The following NRXN1 variants were observed in gnomAD, a reference collection of about 807,000 sequenced individuals.
The protein encoded by NRXN1 is neurexin 1.
In NRXN1, 39 loss-of-function variants were observed where a neutral mutation model predicts 150.9. That is an observed-to-expected ratio of 0.26 (90% CI 0.20 to 0.34). NRXN1 has a LOEUF of 0.34. Among genes scored for constraint, NRXN1 ranks in the 10% least tolerant of loss-of-function variants. The probability of loss-of-function intolerance (pLI) is 1.00; values close to 1 mark genes in which losing one functional copy is unlikely to be tolerated. For synonymous variants in NRXN1, 924 were observed against 757.0 expected, an observed-to-expected ratio of 1.22 and a Z score of -3.62; for missense variants, 1,815 against 1,949.9, an observed-to-expected ratio of 0.93 and a Z score of 1.30.
chr2:50,327,622 C>T (rs2076471196), intron 17 of NRXN1, among the ~76,000 whole-genome samples: 1 of 151,594 alleles, frequency 6.6e-6, no homozygotes, highest in Non-Finnish European at 1.5e-5. Flanking sequence ...TCCCTCCCTC[C>T]TTCCCTCCCT....
chr2:50,236,688 G>C, intron 18 of NRXN1, 101 bp downstream of exon 18: 2 of 1,014,266 alleles, frequency 2.0e-6, no homozygotes, highest in Non-Finnish European at 3.0e-6. Flanking sequence ...CAAAGTACTG[G>C]TTTCTGGGGG....
intron 5 of NRXN1, among the ~76,000 whole-genome samples, chr2:50,799,408 G>A (rs2105676532): frequency 6.6e-6 from 1 of 152,284 alleles, no homozygotes; most frequent in African/African-American, 2.4e-5. Context: ...ACAAAGTAGA[G>A]AGTCAGAGTG....
chr2:50,226,707 G>C (rs1367555516), intron 18 of NRXN1, among the ~76,000 whole-genome samples: 1 of 151,926 alleles, frequency 6.6e-6, no homozygotes, highest in African/African-American at 2.4e-5. Flanking sequence ...ATCAGAACTA[G>C]AATCTTGCTT....
intron 8 of NRXN1, among the ~76,000 whole-genome samples, chr2:50,559,040 C>T (rs1175216532): frequency 1.3e-5 from 2 of 152,102 alleles, no homozygotes; most frequent in African/African-American, 2.4e-5. Flanking sequence ...CGAGATCGCA[C>T]CACTGCACTC....
intron 18 of NRXN1, among the ~76,000 whole-genome samples, chr2:50,210,473 G>T (rs931371167): frequency 1.3e-5 from 2 of 151,666 alleles, no homozygotes; most frequent in Non-Finnish European, 3.0e-5. Context: ...GCTATTATTG[G>T]AAAATCAGGT....
chr2:50,582,397 C>G (rs543151713), intron 8 of NRXN1, among the ~76,000 whole-genome samples: 1 of 138,138 alleles, frequency 7.2e-6, no homozygotes, highest in Non-Finnish European at 1.5e-5. Context: ...GGGAGGTTCG[C>G]TTGAGCCAGG....
intron 2 of NRXN1, among the ~76,000 whole-genome samples, chr2:51,014,933 A>G (rs1170627575): frequency 6.6e-6 from 1 of 152,052 alleles, no homozygotes; most frequent in African/African-American, 2.4e-5. Flanking sequence ...ATACACTGCC[A>G]GAAATGACAG....
chr2:50,045,773 G>A (rs906869374), intron 21 of NRXN1, among the ~76,000 whole-genome samples: 3 of 152,000 alleles, frequency 2.0e-5, no homozygotes, highest in Non-Finnish European at 4.4e-5. Context: ...TAGAGGAAGT[G>A]CCAACTTCAC....
chr2:50,400,899 C>T (rs906776866), intron 17 of NRXN1, among the ~76,000 whole-genome samples: 1 of 152,048 alleles, frequency 6.6e-6, no homozygotes, highest in Non-Finnish European at 1.5e-5. Flanking sequence ...TTTCACACAC[C>T]TGGGTTGATG....
intron 5 of NRXN1, among the ~76,000 whole-genome samples, chr2:50,822,290 A>G (rs1669846715): frequency 6.6e-6 from 1 of 152,152 alleles, no homozygotes; most frequent in Admixed American, 6.5e-5. Context: ...ATCTAAAACA[A>G]TTACTAAACA....
intron 5 of NRXN1, among the ~76,000 whole-genome samples, chr2:50,744,970 C>A (rs1398042282): frequency 6.6e-6 from 1 of 152,084 alleles, no homozygotes; most frequent in Non-Finnish European, 1.5e-5. Flanking sequence ...CTCCTTTGTG[C>A]TTCACATGCT....
chr2:51,030,898 G>A (rs763689367), intron 1 of NRXN1, among the ~76,000 whole-genome samples: 2 of 150,430 alleles, frequency 1.3e-5, no homozygotes, highest in Non-Finnish European at 3.0e-5. Flanking sequence ...TTTCTTGTGT[G>A]TGTAACTCTG....
intron 21 of NRXN1, among the ~76,000 whole-genome samples, chr2:50,042,184 T>C (rs936394790): frequency 6.6e-6 from 1 of 152,180 alleles, no homozygotes; most frequent in Admixed American, 6.5e-5. Context: ...TCTCTGCAAA[T>C]ATTGATTAAT....
chr2:50,819,091 G>A (rs964789403), intron 5 of NRXN1, among the ~76,000 whole-genome samples: 8 of 152,136 alleles, frequency 5.3e-5, no homozygotes, highest in African/African-American at 1.4e-4. Context: ...GTAAAATGGT[G>A]CAGCCACTGT....
intron 5 of NRXN1, among the ~76,000 whole-genome samples, chr2:50,685,352 T>C (rs1691064658): frequency 6.6e-6 from 1 of 152,184 alleles, no homozygotes; most frequent in Admixed American, 6.5e-5. Flanking sequence ...TCAGTAGTTT[T>C]GCATGTCACT....
intron 18 of NRXN1, among the ~76,000 whole-genome samples, chr2:50,208,695 G>A (rs996724774): frequency 1.2e-4 from 18 of 151,900 alleles, no homozygotes; most frequent in Non-Finnish European, 2.5e-4. Flanking sequence ...CCTCAGTTTG[G>A]GGTCTGAGCT....
At chr2:50,958,088 C>G (rs1692556001) in intron 2 of NRXN1, among the ~76,000 whole-genome samples, 1 of 152,094 alleles carries the variant, frequency 6.6e-6, no homozygotes, top group African/African-American at 2.4e-5. Context: ...CAGTGCCTTT[C>G]TGGGCCAAAG....
chr2:50,511,425 C>T (rs767991323), intron 12 of NRXN1, among the ~76,000 whole-genome samples: 1 of 152,160 alleles, frequency 6.6e-6, no homozygotes, highest in Non-Finnish European at 1.5e-5. Flanking sequence ...TCTCAAGGCA[C>T]ACCAAAATCT....
chr2:50,503,334 A>AC (rs1195195292), intron 13 of NRXN1, among the ~76,000 whole-genome samples: 1 of 151,816 alleles, frequency 6.6e-6, no homozygotes, highest in Admixed American at 6.6e-5. Context: ...AAAGAAAGAA[A>AC]GAAAAAAATA....
Sources: gnomAD v4.1 joint callset for allele counts (sites outside exome capture counted in the v4.1 genomes callset) on GRCh38, gnomAD v4.1.1 for gene constraint, MANE v1.5 for transcripts, NCBI Gene and HGNC (gene_info 2026-07-23, HGNC 2026-07-21) for gene names.